Variants in EYS observed in about 807,000 individuals in gnomAD.
EYS encodes protein eyes shut homolog.
A neutral mutation model predicts 282.1 loss-of-function variants in EYS; 250 were observed. The observed-to-expected ratio is 0.89, with a 90% confidence interval of 0.80 to 0.98. The LOEUF (loss-of-function observed/expected upper bound fraction) is 0.98. EYS is among the 50% of genes least tolerant of loss of function. EYS has a pLI of 0.00. For missense variants in EYS, 4,016 were observed against 3,709.0 expected, an observed-to-expected ratio of 1.08 and a Z score of -2.15; for synonymous variants, 1,355 against 1,282.9, an observed-to-expected ratio of 1.06 and a Z score of -1.20.
chr6:64,812,041 A>G (rs1764612599), intron 22 of EYS, among the ~76,000 whole-genome samples: 1 of 152,098 alleles, frequency 6.6e-6, no homozygotes, highest in African/African-American at 2.4e-5. Context: ...ATATACGTTC[A>G]ATTTATGATT....
At chr6:64,322,916 C>T (rs752096907) in intron 29 of EYS, among the ~76,000 whole-genome samples, 7 of 152,028 alleles carry the variant, frequency 4.6e-5, no homozygotes, top group Non-Finnish European at 8.8e-5. Flanking sequence ...TCAGCAAGAA[C>T]AGACATGCTC....
rs201542769 is a variant in EYS, at chr6:64,697,953, C to CA, written c.3444-71709dup. The stretch of plus-strand genomic sequence containing the variant: ...AAGACTCCGTCTCAAAACAAACAAA[C>CA]AAAAAAAAGCAAAAAAAATCAAAAT... On this transcript the variant is annotated intron_variant, in intron 22 of 42. Coordinates refer to ENST00000503581, the MANE Select transcript of EYS (RefSeq NM_001142800.2). Among the ~76,000 whole-genome samples the CA allele has an allele frequency of 2.1e-4, 32 of 150,540 alleles. No homozygotes were observed. In the East Asian group the frequency reaches 3.5e-3, roughly 17 times the overall value.
intron 26 of EYS, among the ~76,000 whole-genome samples, chr6:64,531,386 G>T (rs949502342): frequency 1.9e-5 from 1 of 52,518 alleles, no homozygotes; most frequent in East Asian, 1.5e-3. Flanking sequence ...ATTGAGTTTT[G>T]TTTTTTGTTT....
chr6:64,917,756 A>T (rs1768210670), intron 15 of EYS, among the ~76,000 whole-genome samples: 1 of 152,156 alleles, frequency 6.6e-6, no homozygotes, highest in African/African-American at 2.4e-5. Context: ...TGATTTACCC[A>T]TTTCAAAATG....
intron 33 of EYS, among the ~76,000 whole-genome samples, chr6:64,000,190 T>TCAG (rs1768024118): frequency 9.4e-6 from 1 of 106,810 alleles, no homozygotes; most frequent in African/African-American, 3.9e-5. Flanking sequence ...TTTTTTTTTT[T>TCAG]TTTTTTTTTT....
intron 26 of EYS, among the ~76,000 whole-genome samples, chr6:64,587,026 G>A (rs1485066197): frequency 2.0e-5 from 3 of 151,968 alleles, no homozygotes; most frequent in South Asian, 4.1e-4. Flanking sequence ...TTTCAAAGAC[G>A]TCAGAGAAAA....
rs1280167784 is a variant in EYS at position 64,521,947 on chromosome 6, G to A, written c.5644+68276C>T. Among the ~76,000 whole-genome samples the A allele has an allele frequency of 2.6e-5, 4 of 151,604 alleles. 1 individual carries two copies. The highest frequency in any genetic ancestry group is 2.6e-4 in the Admixed American group (4 of 15,180). On this transcript the variant is annotated intron_variant, in intron 26 of 42. Coordinates refer to ENST00000503581, the MANE Select transcript of EYS (RefSeq NM_001142800.2). ...ATAGTCGTATCATTCACACTTATTT[G>A]CAATGAGAAACAGTCAAGTGTTTAC...
intron 26 of EYS, among the ~76,000 whole-genome samples, chr6:64,528,561 T>C (rs1777998093): frequency 6.6e-6 from 1 of 152,010 alleles, no homozygotes. Flanking sequence ...TCTTAATTTA[T>C]GTCAAACATT....
At chr6:64,934,057 T>C (rs1768820740) in intron 15 of EYS, among the ~76,000 whole-genome samples, 1 of 151,686 alleles carries the variant, frequency 6.6e-6, no homozygotes, top group South Asian at 2.1e-4. Context: ...TAAACCACCA[T>C]GGCATGTGTA....
intron 8 of EYS, among the ~76,000 whole-genome samples, chr6:65,361,794 T>G (rs189662696): frequency 6.6e-6 from 1 of 152,272 alleles, no homozygotes; most frequent in South Asian, 2.1e-4. Context: ...AAGTAATTTC[T>G]TAGACTACAG....
chr6:65,251,711 T>C (rs757948306), intron 12 of EYS, among the ~76,000 whole-genome samples: 16 of 151,800 alleles, frequency 1.1e-4, no homozygotes, highest in African/African-American at 3.6e-4. Flanking sequence ...TTTTTTCCCC[T>C]CAAATATCCA....
chr6:64,572,943 C>G (rs1011001557), intron 26 of EYS, among the ~76,000 whole-genome samples: 4 of 152,028 alleles, frequency 2.6e-5, no homozygotes, highest in Admixed American at 6.6e-5. Context: ...CATATGGAAC[C>G]AAAATAGAGC....
chr6:64,821,134 G>A (rs1199139833), intron 21 of EYS, among the ~76,000 whole-genome samples: 3 of 151,812 alleles, frequency 2.0e-5, no homozygotes, highest in African/African-American at 7.3e-5. Flanking sequence ...AATACCATAT[G>A]TCAATCACAC....
rs75791253 is a variant in EYS, at chr6:65,468,522, T to G, written c.862+22072A>C. Among the ~76,000 whole-genome samples, 220 of 152,192 alleles carry G rather than the reference T, an allele frequency of 1.4e-3. 2 individuals are homozygous for G. Among genetic ancestry groups the G allele is most frequent in the African/African-American group, 3.3e-3 (136 of 41,534 alleles). ...ATTTAGTTAGTTAGTTAGTTAGTTA[T>G]TTAGTTATTTTGTTGCATGGCCCTA... On this transcript the variant is annotated intron_variant, in intron 5 of 42. Coordinates refer to ENST00000503581, the MANE Select transcript of EYS (RefSeq NM_001142800.2).
At chr6:63,869,509 C>T (rs1772750257) in intron 35 of EYS, among the ~76,000 whole-genome samples, 1 of 152,122 alleles carries the variant, frequency 6.6e-6, no homozygotes, top group Non-Finnish European at 1.5e-5. Flanking sequence ...ATATCTCTGG[C>T]CTTGTGACCC....
At chr6:64,140,653 C>G (rs916003437) in intron 31 of EYS, among the ~76,000 whole-genome samples, 3 of 152,142 alleles carry the variant, frequency 2.0e-5, no homozygotes, top group African/African-American at 7.2e-5. Context: ...GTTGGATTCC[C>G]ATATGGAAGG....
intron 26 of EYS, among the ~76,000 whole-genome samples, chr6:64,502,730 AG>A (rs1437467002): frequency 6.6e-6 from 1 of 151,922 alleles, no homozygotes; most frequent in Non-Finnish European, 1.5e-5. Flanking sequence ...GGACTCCTGC[AG>A]GAAAACTAAC....
In EYS at chr6:65,596,415, T is replaced by C. The variant is rs186046423; in HGVS notation, c.-333+43363A>G. ...CATAAACTTCAAACAGATAGATATG[T>C]ATGCAGCTAGAACCAAATAAAAACA... On this transcript the variant is annotated intron_variant, in intron 2 of 42. Coordinates refer to ENST00000503581, the MANE Select transcript of EYS (RefSeq NM_001142800.2). Among the ~76,000 whole-genome samples, 4 of 152,248 alleles carry C rather than the reference T, an allele frequency of 2.6e-5. No homozygotes were observed. In the South Asian group the frequency reaches 6.2e-4, roughly 24 times the overall value.
chr6:64,251,285 A>G (rs577702856), intron 30 of EYS, among the ~76,000 whole-genome samples: 114 of 152,294 alleles, frequency 7.5e-4, no homozygotes, highest in Admixed American at 3.5e-3. Flanking sequence ...AAGCAACTCA[A>G]TTGCATAATC....
Sources: allele counts gnomAD v4.1 joint callset (sites outside exome capture counted in the v4.1 genomes callset), GRCh38; gene constraint gnomAD v4.1.1; transcripts MANE v1.5; gene names NCBI Gene and HGNC (gene_info 2026-07-23, HGNC 2026-07-21).